KALRN: variants seen among roughly 807,000 people sequenced by gnomAD.
The protein encoded by KALRN is kalirin.
KALRN carries 70 observed loss-of-function variants against 353.7 expected under a neutral mutation model. The observed-to-expected ratio is 0.20, with a 90% CI of 0.16 to 0.24. KALRN has a LOEUF of 0.24. KALRN is among the 10% of genes least tolerant of loss of function. The pLI is 1.00. For synonymous variants in KALRN, 1,391 were observed against 1,434.8 expected (o/e 0.97, Z 0.69); for missense variants, 2,791 against 3,756.7 (o/e 0.74, Z 6.72).
chr3:124,679,997 C>T (rs1043137415), intron 51 of KALRN, among the ~76,000 whole-genome samples: 5 of 152,204 alleles, frequency 3.3e-5, no homozygotes, highest in Non-Finnish European at 5.9e-5. Context: ...TTATTCCCTG[C>T]TCAGTGTTCC....
At chr3:124,509,219 T>G (rs756169192) in intron 33 of KALRN, among the ~76,000 whole-genome samples, 2 of 152,222 alleles carry the variant, frequency 1.3e-5, no homozygotes, top group Non-Finnish European at 2.9e-5. Flanking sequence ...ATTTTGTATT[T>G]TTTTTTGAGA....
intron 33 of KALRN, among the ~76,000 whole-genome samples, chr3:124,536,322 C>T (rs2068517081): frequency 6.6e-6 from 1 of 151,884 alleles, no homozygotes; most frequent in Non-Finnish European, 1.5e-5. Flanking sequence ...CTGCCTCAGC[C>T]TCCTGAGTAG....
At chr3:124,330,245 C>T (rs547355401) in intron 8 of KALRN, among the ~76,000 whole-genome samples, 1 of 107,988 alleles carries the variant, frequency 9.3e-6, no homozygotes, top group Non-Finnish European at 1.8e-5. Context: ...CTCTCTCTCT[C>T]TCACACACAC....
intron 34 of KALRN, among the ~76,000 whole-genome samples, chr3:124,569,596 G>T (rs57311335): frequency 6.6e-6 from 1 of 152,142 alleles, no homozygotes; most frequent in African/African-American, 2.4e-5. Flanking sequence ...GACAAGCAGT[G>T]GGCCTAAATT....
intron 9 of KALRN, among the ~76,000 whole-genome samples, chr3:124,342,340 C>G (rs1245828899): frequency 6.6e-6 from 1 of 152,096 alleles, no homozygotes; most frequent in Non-Finnish European, 1.5e-5. Context: ...TGTCCATTGT[C>G]TAGCACTCCA....
At chr3:124,194,136 A>G (rs149747627) in intron 1 of KALRN, among the ~76,000 whole-genome samples, 34 of 152,196 alleles carry the variant, frequency 2.2e-4, no homozygotes, top group Non-Finnish European at 4.0e-4. Flanking sequence ...GAGAACACCT[A>G]TGAAGCAATT....
At chr3:124,686,761 T>G (rs2061576362) in intron 51 of KALRN, among the ~76,000 whole-genome samples, 1 of 151,446 alleles carries the variant, frequency 6.6e-6, no homozygotes, top group Admixed American at 6.6e-5. Context: ...TCCTGTGCTT[T>G]AGGAAGGTAA....
chr3:124,091,575 A>G (rs1407599493), intron 1 of KALRN, among the ~76,000 whole-genome samples: 1 of 152,228 alleles, frequency 6.6e-6, no homozygotes, highest in Non-Finnish European at 1.5e-5. Flanking sequence ...AAGAAGGAAC[A>G]TCGAAGAGAA....
chr3:124,039,200 C>T (rs2039711612), intron 1 of KALRN, among the ~76,000 whole-genome samples: 1 of 152,226 alleles, frequency 6.6e-6, no homozygotes, highest in South Asian at 2.1e-4. Context: ...CTCCTGCATT[C>T]ACAGTCTCCT....
At chr3:124,380,882 C>G (rs1392504672) in intron 10 of KALRN, among the ~76,000 whole-genome samples, 1 of 152,024 alleles carries the variant, frequency 6.6e-6, no homozygotes, top group Admixed American at 6.5e-5. Context: ...GGTCTTGTAC[C>G]AGGTAGTTGA....
intron 1 of KALRN, among the ~76,000 whole-genome samples, chr3:124,202,725 G>A (rs151033186): frequency 1.3e-5 from 2 of 152,194 alleles, no homozygotes; most frequent in Non-Finnish European, 1.5e-5. Context: ...TCTTACAACA[G>A]ATACAATGGG....
Position 124,386,272 on chromosome 3 carries a change from G to A in KALRN, c.1962+1236G>A, listed in dbSNP as rs145254651. ...TTCCTGCCTGGTTCTCTGCTTGATA[G>A]TGGCTCACCCAATTCTTAATGAAAG... is the stretch of plus-strand genomic sequence containing the variant. On this transcript the variant is annotated intron_variant, in intron 11 of 59. Transcript: ENST00000682506. 2.1e-4 allele frequency among the ~76,000 whole-genome samples: 32 copies of A among 152,182 alleles called. No homozygotes were observed. In the East Asian group the frequency reaches 6.2e-3, roughly 29 times the overall value.
At chr3:124,056,460 G>A (rs566646581) in intron 1 of KALRN, among the ~76,000 whole-genome samples, 29 of 152,268 alleles carry the variant, frequency 1.9e-4, no homozygotes, top group Middle Eastern at 6.8e-3. Context: ...ATTCTGGGCA[G>A]GCCACTGTAC....
intron 6 of KALRN, among the ~76,000 whole-genome samples, chr3:124,316,656 A>G (rs764858726): frequency 2.0e-5 from 3 of 152,154 alleles, no homozygotes; most frequent in Non-Finnish European, 4.4e-5. Context: ...TCTCTATTTT[A>G]TGTAGCACTC....
At chr3:124,245,026 G>T (rs2080953633) in intron 3 of KALRN, among the ~76,000 whole-genome samples, 1 of 110,704 alleles carries the variant, frequency 9.0e-6, no homozygotes, top group Non-Finnish European at 2.0e-5. Flanking sequence ...TAGCTATTTT[G>T]AAATATATTA....
chr3:124,066,462 CTGAGGAAGGTTTAA>C (rs2042369442), intron 1 of KALRN, among the ~76,000 whole-genome samples: 1 of 152,202 alleles, frequency 6.6e-6, no homozygotes, highest in East Asian at 1.9e-4. Flanking sequence ...GTTGGGTAAC[CTGAGGAAGGTTTAA>C]TGAAAGGACT....
intron 19 of KALRN, among the ~76,000 whole-genome samples, chr3:124,445,191 A>C (rs144245784): frequency 1.3e-5 from 2 of 152,290 alleles, no homozygotes; most frequent in Admixed American, 1.3e-4. Flanking sequence ...TCTCATCTGT[A>C]TAATGGAGAT....
intron 25 of KALRN, among the ~76,000 whole-genome samples, chr3:124,471,250 C>A (rs184703531): frequency 0.034 from 4,823 of 139,918 alleles, 243 homozygotes; most frequent in African/African-American, 0.12. Context: ...AGCACCCCCA[C>A]AAAGTTTTAT....
intron 1 of KALRN, among the ~76,000 whole-genome samples, chr3:124,190,802 C>T (rs28702819): frequency 0.02 from 3,107 of 152,278 alleles, 119 homozygotes; most frequent in African/African-American, 0.071. Flanking sequence ...CCAATCAGTT[C>T]TTCAGCAGAC....
Sources: allele counts gnomAD v4.1 joint callset (sites outside exome capture counted in the v4.1 genomes callset), GRCh38; gene constraint gnomAD v4.1.1; transcripts MANE v1.5; gene names NCBI Gene and HGNC (gene_info 2026-07-23, HGNC 2026-07-21).